The following GARS1 variants were observed in gnomAD, a reference collection of about 807,000 sequenced individuals.
The protein encoded by GARS1 is glycine--tRNA ligase.
A neutral mutation model predicts 86.4 loss-of-function variants in GARS1; 46 were observed. That is an observed-to-expected ratio of 0.53 (90% CI 0.42 to 0.68). The LOEUF is 0.68. GARS1 is among the 30% of genes least tolerant of loss of function. GARS1 has a pLI of 0.00. For missense variants in GARS1, 797 were observed against 915.6 expected (o/e 0.87, Z 1.67); for synonymous variants, 342 against 329.8 (o/e 1.04, Z -0.40).
chr7:30,625,497 T>C (rs541965157), intron 12 of GARS1, among the ~76,000 whole-genome samples: 36 of 152,308 alleles, frequency 2.4e-4, no homozygotes, highest in African/African-American at 8.2e-4. Context: ...ATGAGGGCTC[T>C]CTATCCTAGC....
chr7:30,615,911 A>G lies in GARS1; in HGVS notation c.1047A>G (p.Ala349=), dbSNP rs1030251118. ...TTGCTTTCAGAGAATTCACAATGGC[A>G]GAAATTGAGCACTTTGTAGATCCCA... ...GLIRVREFTM[A]EIEHFVDPSE... Residue 349 remains alanine, a synonymous_variant, in exon 9 of 17, where the codon GCA becomes GCG. Transcript: ENST00000389266. The G allele has an allele frequency of 1.9e-6, 3 of 1,614,134 alleles. No individual in the cohort carries two copies. In the African/African-American group the frequency reaches 4.0e-5, roughly 22 times the overall value.
At chr7:30,620,992 A>G (rs1782992443) in intron 10 of GARS1, among the ~76,000 whole-genome samples, 2 of 152,174 alleles carry the variant, frequency 1.3e-5, no homozygotes, top group Non-Finnish European at 2.9e-5. Flanking sequence ...GTATAACAAT[A>G]TAAATCCATC....
intron 13 of GARS1, among the ~76,000 whole-genome samples, chr7:30,627,637 G>A (rs1262419161): frequency 6.6e-6 from 1 of 152,184 alleles, no homozygotes; most frequent in Non-Finnish European, 1.5e-5. Flanking sequence ...CACATGAAGA[G>A]CTGTGAGCCC....
At chr7:30,620,456 T>C (rs562811509) in intron 10 of GARS1, among the ~76,000 whole-genome samples, 6 of 152,266 alleles carry the variant, frequency 3.9e-5, no homozygotes, top group Admixed American at 3.9e-4. Flanking sequence ...CAAATTCCAG[T>C]GATTAGGGCT....
intron 8 of GARS1, among the ~76,000 whole-genome samples, chr7:30,615,520 A>G (rs1269613286): frequency 6.6e-6 from 1 of 152,216 alleles, no homozygotes; most frequent in Non-Finnish European, 1.5e-5. Context: ...AGTTATTTTC[A>G]GTTAAAAGTA....
At position 30,609,644 on chromosome 7, in the gene GARS1, T is replaced by TC. The variant is rs1562775206; in HGVS notation, c.798dup (p.Ile267HisfsTer5). On this transcript the variant is annotated frameshift_variant, in exon 7 of 17. Transcript: ENST00000389266. LOFTEE classifies it high-confidence loss of function. The stretch of plus-strand genomic sequence containing the variant: ...TTTTTGTGAACTATAATGTAAAATC[T>TC]CCCATTACTGGAAATGATCTATCCC... 6.2e-7 allele frequency: 1 copy of TC among 1,612,932 alleles called. No homozygotes were observed. Among genetic ancestry groups the TC allele is most frequent in the Non-Finnish European group, 8.5e-7 (1 of 1,178,978 alleles).
rs2074779 is a variant in GARS1, at chr7:30,600,225, C to G, written c.427+176C>G. ...ATTTGGTGTGATACCTGTTATTTTTCTCCACTGCATTTATTCCTGGACAGC... is the reference window on the plus strand; with the variant it reads ...ATTTGGTGTGATACCTGTTATTTTTGTCCACTGCATTTATTCCTGGACAGC... On this transcript the variant is annotated intron_variant, in intron 3 of 16. Transcript: ENST00000389266. 0.074 allele frequency among the ~76,000 whole-genome samples: 11,197 copies of G among 152,248 alleles called. 537 individuals are homozygous for G. The highest frequency in any genetic ancestry group is 0.19 in the South Asian group (927 of 4,830).
intron 6 of GARS1, among the ~76,000 whole-genome samples, chr7:30,606,153 C>T (rs923820596): frequency 2.6e-5 from 4 of 152,072 alleles, no homozygotes; most frequent in African/African-American, 9.7e-5. Flanking sequence ...GTATTTTTGG[C>T]GAGACATTTG....
chr7:30,622,798 A>G (rs1783043130), intron 12 of GARS1: 3 of 341,672 alleles, frequency 8.8e-6, no homozygotes, highest in Non-Finnish European at 1.7e-5. Flanking sequence ...TTGTTTAAGC[A>G]TGAATATAAA....
chr7:30,607,218 A>C (rs973991821), intron 6 of GARS1, among the ~76,000 whole-genome samples: 2 of 152,104 alleles, frequency 1.3e-5, no homozygotes, highest in African/African-American at 4.8e-5. Flanking sequence ...ATTTCATTTT[A>C]TTTTCAGTAT....
intron 6 of GARS1, among the ~76,000 whole-genome samples, chr7:30,606,252 G>C (rs78697811): frequency 0.036 from 5,339 of 150,016 alleles, 323 homozygotes; most frequent in African/African-American, 0.12. Flanking sequence ...CCATTGTTTA[G>C]ATGCATTAAC....
intron 1 of GARS1, chr7:30,595,852 C>G (rs896073866): frequency 1.3e-5 from 6 of 471,004 alleles, no homozygotes; most frequent in African/African-American, 1.0e-4. Context: ...GCCCTCAGAT[C>G]GTAAACCTGG....
intron 6 of GARS1, among the ~76,000 whole-genome samples, chr7:30,603,824 T>A (rs2128133056): frequency 6.6e-6 from 1 of 152,370 alleles, no homozygotes; most frequent in South Asian, 2.1e-4. Flanking sequence ...CCTTGGAAAC[T>A]ACTTTTCTGG....
At chr7:30,622,557 G>A (rs1427472610) in intron 12 of GARS1, 95 bp downstream of exon 12, 3 of 1,468,822 alleles carry the variant, frequency 2.0e-6, no homozygotes, top group Non-Finnish European at 2.9e-6. Flanking sequence ...AAGATTTTTT[G>A]CAGGTAAGTA....
chr7:30,603,750 T>G (rs1791428645), intron 6 of GARS1, among the ~76,000 whole-genome samples, 178 bp downstream of exon 6: 1 of 152,232 alleles, frequency 6.6e-6, no homozygotes, highest in African/African-American at 2.4e-5. Context: ...CTCTCTTTTG[T>G]GACTAACCCT....
At chr7:30,607,280 A>G (rs1791503783) in intron 6 of GARS1, among the ~76,000 whole-genome samples, 1 of 152,182 alleles carries the variant, frequency 6.6e-6, no homozygotes, top group Non-Finnish European at 1.5e-5. Flanking sequence ...CACAATAGCA[A>G]AGACTTGGAA....
chr7:30,607,770 G>A (rs1396508215), intron 6 of GARS1, among the ~76,000 whole-genome samples: 1 of 152,012 alleles, frequency 6.6e-6, no homozygotes, highest in East Asian at 1.9e-4. Flanking sequence ...AAAAAACAAG[G>A]TATATTTAGT....
intron 2 of GARS1, among the ~76,000 whole-genome samples, chr7:30,599,466 G>C (rs556655653): frequency 6.6e-6 from 1 of 151,866 alleles, no homozygotes; most frequent in East Asian, 1.9e-4. Flanking sequence ...GCAATGGTGC[G>C]ATCTCAGCTC....
intron 9 of GARS1, among the ~76,000 whole-genome samples, chr7:30,616,501 C>A (rs537828825): frequency 1.3e-5 from 2 of 152,298 alleles, no homozygotes; most frequent in Admixed American, 1.3e-4. Flanking sequence ...TGAAAACTTG[C>A]CAACAGTAGC....
Sources: allele counts gnomAD v4.1 joint callset (sites outside exome capture counted in the v4.1 genomes callset), GRCh38; gene constraint gnomAD v4.1.1; transcripts MANE v1.5; gene names NCBI Gene and HGNC (gene_info 2026-07-23, HGNC 2026-07-21).